The following DOCK1 variants were observed in gnomAD, a reference collection of about 807,000 sequenced individuals.
DOCK1 encodes the protein dedicator of cytokinesis 1.
Under a neutral mutation model 262.7 loss-of-function variants are expected in DOCK1, and 138 were observed. The observed-to-expected ratio is 0.53, with a 90% CI of 0.46 to 0.61. The LOEUF (loss-of-function observed/expected upper bound fraction) is 0.61, where lower values mean the gene tolerates loss of function less well. Among genes scored for constraint, DOCK1 ranks in the 20% least tolerant of loss-of-function variants. The pLI, the probability that DOCK1 is intolerant of heterozygous loss-of-function variation, is 0.00. For missense variants in DOCK1, 1,908 were observed against 2,370.7 expected (o/e 0.80, Z 4.05); for synonymous variants, 866 against 867.4 (o/e 1.00, Z 0.03).
intron 27 of DOCK1, among the ~76,000 whole-genome samples, chr10:127,165,616 G>A (rs947714298): frequency 4.5e-4 from 68 of 152,130 alleles, no homozygotes; most frequent in African/African-American, 1.6e-3. Flanking sequence ...AGTATCAAAT[G>A]TTTGTTGTTC....
At chr10:127,409,272 T>C in intron 41 of DOCK1, 41 bp from the exon 42 acceptor site, 3 of 1,613,368 alleles carry the variant, frequency 1.9e-6, no homozygotes, top group Non-Finnish European at 2.5e-6. Context: ...TCATGGTTGA[T>C]GTCTATGCTG....
At chr10:127,381,405 G>A (rs1262601970) in intron 37 of DOCK1, 37 bp downstream of exon 37, 3 of 1,561,290 alleles carry the variant, frequency 1.9e-6, no homozygotes, top group Non-Finnish European at 1.8e-6. Context: ...TGATTCTATT[G>A]TTATAAATTC....
intron 23 of DOCK1, among the ~76,000 whole-genome samples, chr10:127,086,512 G>A (rs960256181): frequency 1.1e-4 from 17 of 152,008 alleles, no homozygotes; most frequent in Admixed American, 9.8e-4. Context: ...CATAATTATT[G>A]GATGTCATTA....
intron 25 of DOCK1, among the ~76,000 whole-genome samples, chr10:127,124,225 T>C (rs1182175092): frequency 6.6e-6 from 1 of 152,270 alleles, no homozygotes; most frequent in Non-Finnish European, 1.5e-5. Flanking sequence ...AGTTTTCTTA[T>C]ATAAAAGAAA....
intron 27 of DOCK1, among the ~76,000 whole-genome samples, chr10:127,196,412 G>A (rs1181715310): frequency 2.0e-5 from 3 of 148,604 alleles, no homozygotes; most frequent in Non-Finnish European, 4.5e-5. Flanking sequence ...TGTCTTCGGC[G>A]AGATCTCAGA....
intron 49 of DOCK1, among the ~76,000 whole-genome samples, chr10:127,442,092 C>T (rs1214333383): frequency 6.6e-6 from 1 of 152,204 alleles, no homozygotes; most frequent in Non-Finnish European, 1.5e-5. Flanking sequence ...AGAGGAGGTG[C>T]AGCTCCTGGG....
At chr10:126,986,603 G>T (rs1287473298) in intron 4 of DOCK1, among the ~76,000 whole-genome samples, 2 of 152,190 alleles carry the variant, frequency 1.3e-5, no homozygotes, top group Non-Finnish European at 2.9e-5. Flanking sequence ...GCATAAATAG[G>T]TAATGAGTTA....
In DOCK1 at chr10:127,149,825, A is replaced by G. The variant is rs189116864; in HGVS notation, c.2847+22061A>G. Among the ~76,000 whole-genome samples the G allele has an allele frequency of 8.5e-5, 13 of 152,260 alleles. No homozygotes were observed. In the East Asian group the frequency reaches 2.1e-3, roughly 25 times the overall value. ...TTTTGAAATTCCTTTAAGCTACCCA[A>G]TCCCGGGGTGTTCCAGGCATCCCAT... is the stretch of plus-strand genomic sequence containing the variant. On this transcript the variant is annotated intron_variant, in intron 27 of 51. Transcript: ENST00000623213.
chr10:127,311,950 C>T (rs757627114), intron 29 of DOCK1, among the ~76,000 whole-genome samples: 10 of 152,034 alleles, frequency 6.6e-5, no homozygotes, highest in Non-Finnish European at 1.5e-4. Context: ...TTGCAACCTC[C>T]GTCTCCTGAG....
chr10:127,009,379 C>G (rs975567063), intron 11 of DOCK1, among the ~76,000 whole-genome samples: 5 of 152,094 alleles, frequency 3.3e-5, no homozygotes, highest in Admixed American at 6.5e-5. Flanking sequence ...GGAGGAGATT[C>G]ATTAAATTGA....
At chr10:127,215,367 T>C (rs953373726) in intron 27 of DOCK1, among the ~76,000 whole-genome samples, 1 of 152,198 alleles carries the variant, frequency 6.6e-6, no homozygotes, top group Admixed American at 6.5e-5. Context: ...CAGCTCCATG[T>C]GATCCCTCTG....
chr10:127,445,988 C>T lies in DOCK1; in HGVS notation c.5414-1406C>T, dbSNP rs115292515. ...CATAGAGACAGAAAGGCATGGCTCA[C>T]GCCTGTCATCCCAGCACTTTGGGAG... On this transcript the variant is annotated intron_variant, in intron 50 of 51. Coordinates refer to ENST00000623213, the MANE Select transcript of DOCK1 (RefSeq NM_001290223.2). 7.1e-3 allele frequency among the ~76,000 whole-genome samples: 1,074 copies of T among 152,316 alleles called. 13 individuals carry two copies. Among genetic ancestry groups the T allele is most frequent in the African/African-American group, 0.024 (982 of 41,560 alleles).
chr10:127,160,120 G>A (rs1006075445), intron 27 of DOCK1, among the ~76,000 whole-genome samples: 2 of 148,160 alleles, frequency 1.3e-5, no homozygotes, highest in Admixed American at 6.7e-5. Flanking sequence ...GAATTGTTTG[G>A]TTAAAAGGTC....
chr10:127,438,022 A>G (rs964276595), intron 48 of DOCK1, among the ~76,000 whole-genome samples: 1 of 152,232 alleles, frequency 6.6e-6, no homozygotes, highest in Non-Finnish European at 1.5e-5. Context: ...GTAAGATCCT[A>G]GTAACAGCAC....
At position 126,985,090 on chromosome 10, in the gene DOCK1, C is replaced by T. The variant is rs906782416; in HGVS notation, c.228-2431C>T. 3.3e-5 allele frequency among the ~76,000 whole-genome samples: 5 copies of T among 150,474 alleles called. 1 individual carries two copies. The South Asian group carries it at 1.1e-3, about 32-fold the overall frequency. On this transcript the variant is annotated intron_variant, in intron 4 of 51. Coordinates refer to ENST00000623213, the MANE Select transcript of DOCK1 (RefSeq NM_001290223.2). ...CTGCCTCCTGCGTTCAAGCGATTCT[C>T]CTGTCTCAGCCTCCCAAGTAGCTGG... is the stretch of plus-strand genomic sequence containing the variant.
At chr10:127,130,065 CTTTTTTTTTTTTTTT>C (rs74721427) in intron 27 of DOCK1, among the ~76,000 whole-genome samples, 88,859 of 117,848 alleles carry the variant, frequency 0.75, 34,390 homozygotes, top group South Asian at 0.91. Flanking sequence ...TTAGGGTCTT[CTTTTTTTTTTTTTTT>C]TTTTTTTTTT....
intron 38 of DOCK1, among the ~76,000 whole-genome samples, chr10:127,390,927 G>A (rs1175304043): frequency 6.6e-6 from 1 of 152,164 alleles, no homozygotes; most frequent in Non-Finnish European, 1.5e-5. Flanking sequence ...CTGTTGGACG[G>A]TGCTGCTCTG....
intron 24 of DOCK1, among the ~76,000 whole-genome samples, chr10:127,106,992 C>G (rs969593763): frequency 6.6e-6 from 1 of 152,092 alleles, no homozygotes; most frequent in Non-Finnish European, 1.5e-5. Flanking sequence ...GGGTCTCACT[C>G]TGTTGCCCAG....
intron 5 of DOCK1, among the ~76,000 whole-genome samples, chr10:126,988,814 T>C (rs2039591011): frequency 1.3e-5 from 2 of 152,196 alleles, no homozygotes; most frequent in African/African-American, 4.8e-5. Context: ...GGCTTATGCC[T>C]GTAATCCCAG....
Sources: gnomAD v4.1 joint callset for allele counts (sites outside exome capture counted in the v4.1 genomes callset) on GRCh38, gnomAD v4.1.1 for gene constraint, MANE v1.5 for transcripts, NCBI Gene and HGNC (gene_info 2026-07-23, HGNC 2026-07-21) for gene names.